The following FRMD5 variants were observed in gnomAD, a reference collection of about 807,000 sequenced individuals.
The protein encoded by FRMD5 is FERM domain containing 5, also known as FERM domain-containing protein 5.
Under a neutral mutation model 69.0 loss-of-function variants are expected in FRMD5, and 20 were observed. The ratio of observed to expected loss-of-function variants is 0.29; its 90% CI spans 0.20 to 0.42. The LOEUF is 0.42. Ranked by LOEUF, FRMD5 falls within the 10% of genes least tolerant of loss-of-function variation. The pLI is 1.00. For missense variants in FRMD5, 595 were observed against 708.6 expected (o/e 0.84, Z 1.82); for synonymous variants, 271 against 260.1 (o/e 1.04, Z -0.40).
intron 1 of FRMD5, among the ~76,000 whole-genome samples, chr15:44,085,757 C>T (rs1458553540): frequency 6.6e-6 from 1 of 152,106 alleles, no homozygotes; most frequent in East Asian, 1.9e-4. Context: ...GGAAGAGAGA[C>T]AAGTTAAAAG....
chr15:44,180,326 CA>C (rs1268886192), intron 1 of FRMD5, among the ~76,000 whole-genome samples: 1 of 151,896 alleles, frequency 6.6e-6, no homozygotes, highest in Non-Finnish European at 1.5e-5. Flanking sequence ...ACATATATTA[CA>C]AATTAAAGAT....
intron 9 of FRMD5, 104 bp downstream of exon 9, chr15:43,888,705 T>C: frequency 1.1e-6 from 1 of 915,450 alleles, no homozygotes. Flanking sequence ...TGGCTTAGTA[T>C]GTGGGTAGCT....
intron 1 of FRMD5, among the ~76,000 whole-genome samples, chr15:44,171,321 G>GTCAT (rs1161159883): frequency 9.9e-5 from 15 of 152,170 alleles, no homozygotes. Flanking sequence ...TTTTAAAGCA[G>GTCAT]TCATTCTATT....
chr15:44,058,139 A>T (rs747619754), intron 1 of FRMD5, among the ~76,000 whole-genome samples: 1 of 152,222 alleles, frequency 6.6e-6, no homozygotes, highest in Non-Finnish European at 1.5e-5. Flanking sequence ...AGAAGGACTT[A>T]TGAGAATTAC....
At chr15:44,044,188 C>T (rs1029059501) in intron 1 of FRMD5, among the ~76,000 whole-genome samples, 1 of 152,142 alleles carries the variant, frequency 6.6e-6, no homozygotes, top group Non-Finnish European at 1.5e-5. Flanking sequence ...CATCACTGGT[C>T]ATTAGAGAAA....
chr15:43,954,448 AG>A lies in FRMD5; in HGVS notation c.103-30140del, dbSNP rs1363934715. On this transcript the variant is annotated intron_variant, in intron 1 of 13. Coordinates refer to ENST00000417257, the MANE Select transcript of FRMD5 (RefSeq NM_032892.5). ...GTATATGCTTCCCTACTTCAAATGT[AG>A]GGGATGAGTGACAGGACAAAGTGAG... is the stretch of plus-strand genomic sequence containing the variant. 5.3e-5 allele frequency among the ~76,000 whole-genome samples: 8 copies of A among 152,322 alleles called. No individual in the cohort carries two copies. In the East Asian group the frequency reaches 1.5e-3, roughly 29 times the overall value.
At chr15:43,891,169 G>A (rs1280063365) in intron 8 of FRMD5, among the ~76,000 whole-genome samples, 2 of 152,170 alleles carry the variant, frequency 1.3e-5, no homozygotes, top group Non-Finnish European at 2.9e-5. Flanking sequence ...TTTTGATGAC[G>A]CTGACAGATG....
At chr15:43,987,982 T>TC (rs1889477651) in intron 1 of FRMD5, among the ~76,000 whole-genome samples, 1 of 152,170 alleles carries the variant, frequency 6.6e-6, no homozygotes, top group Admixed American at 6.5e-5. Context: ...CAGTGACAGA[T>TC]CATCAAGAAC....
chr15:43,971,515 C>G (rs2090377563), intron 1 of FRMD5, among the ~76,000 whole-genome samples: 1 of 149,794 alleles, frequency 6.7e-6, no homozygotes, highest in African/African-American at 2.5e-5. Context: ...GAAACCCCAT[C>G]TCTACTAAAA....
At chr15:43,881,229 T>G (rs2088519505) in intron 13 of FRMD5, among the ~76,000 whole-genome samples, 1 of 152,126 alleles carries the variant, frequency 6.6e-6, no homozygotes, top group South Asian at 2.1e-4. Flanking sequence ...AGGATGGGGA[T>G]GGACCCTCTA....
In FRMD5 at chr15:43,873,184, CTGCTGT is replaced by C. The variant is rs1296893237; in HGVS notation, c.*695_*700del. ...GGACAGACTTACCCCACCCCTGATG[CTGCTGT>C]TGCTGTAGCGGTGGTCCCTTCAGAT... On this transcript the variant is annotated 3_prime_UTR_variant, in exon 14 of 14. Transcript: ENST00000417257. 3 of 1,550,434 alleles carry C rather than the reference CTGCTGT, an allele frequency of 1.9e-6. No homozygotes were observed. The highest frequency in any genetic ancestry group is 1.4e-5 in the African/African-American group (1 of 73,042).
chr15:43,926,984 C>A (rs183212122), intron 1 of FRMD5, among the ~76,000 whole-genome samples: 5 of 150,496 alleles, frequency 3.3e-5, no homozygotes, highest in Admixed American at 1.3e-4. Flanking sequence ...GGTGCCACTG[C>A]AGTTATGAGA....
chr15:44,017,807 C>T (rs1891038009), intron 1 of FRMD5, among the ~76,000 whole-genome samples: 1 of 151,856 alleles, frequency 6.6e-6, no homozygotes, highest in Admixed American at 6.6e-5. Context: ...AACAGGGTTT[C>T]ACCATGTTAG....
intron 1 of FRMD5, among the ~76,000 whole-genome samples, chr15:43,958,976 C>T (rs1434540035): frequency 1.3e-5 from 2 of 152,198 alleles, no homozygotes; most frequent in Non-Finnish European, 2.9e-5. Flanking sequence ...ACAAACAACA[C>T]TGACATCAAC....
intron 1 of FRMD5, among the ~76,000 whole-genome samples, chr15:44,035,679 G>T (rs1294091488): frequency 6.6e-6 from 1 of 152,118 alleles, no homozygotes; most frequent in African/African-American, 2.4e-5. Context: ...ATCTGTCAGG[G>T]ATGTGCCATT....
At chr15:43,951,384 T>C (rs2090025691) in intron 1 of FRMD5, among the ~76,000 whole-genome samples, 2 of 146,918 alleles carry the variant, frequency 1.4e-5, no homozygotes, top group Middle Eastern at 3.5e-3. Flanking sequence ...ATCGCGCCAC[T>C]GCACTCCAGC....
intron 1 of FRMD5, among the ~76,000 whole-genome samples, chr15:44,052,427 C>G (rs1008253575): frequency 6.6e-6 from 1 of 152,144 alleles, no homozygotes; most frequent in Non-Finnish European, 1.5e-5. Flanking sequence ...AGCCATTTCT[C>G]TAAGGATCCT....
At chr15:44,106,402 A>C (rs1180247682) in intron 1 of FRMD5, among the ~76,000 whole-genome samples, 1 of 152,132 alleles carries the variant, frequency 6.6e-6, no homozygotes, top group African/African-American at 2.4e-5. Flanking sequence ...ACTACTCTTT[A>C]AACCCACCCT....
intron 1 of FRMD5, among the ~76,000 whole-genome samples, chr15:44,016,345 C>G (rs575603840): frequency 6.0e-4 from 91 of 152,182 alleles, no homozygotes; most frequent in Admixed American, 9.8e-4. Flanking sequence ...TTTATATATA[C>G]GAATAATGTA....
Sources: allele counts gnomAD v4.1 joint callset (sites outside exome capture counted in the v4.1 genomes callset), GRCh38; gene constraint gnomAD v4.1.1; transcripts MANE v1.5; gene names NCBI Gene and HGNC (gene_info 2026-07-23, HGNC 2026-07-21).